The following PLCXD3 variants were observed in gnomAD, a reference collection of about 807,000 sequenced individuals.
The protein encoded by PLCXD3 is PI-PLC X domain-containing protein 3.
Under a neutral mutation model 25.5 loss-of-function variants are expected in PLCXD3, and 19 were observed. That is an observed-to-expected ratio of 0.75 (90% CI 0.52 to 1.09). PLCXD3 has a LOEUF of 1.09. PLCXD3 is among the 50% of genes least tolerant of loss of function. The pLI is 0.00. For missense variants in PLCXD3, 411 were observed against 388.1 expected (o/e 1.06, Z -0.50); for synonymous variants, 174 against 137.6 (o/e 1.26, Z -1.85).
At chr5:41,469,502 TTTTTTTTC>T (rs1748102932) in intron 1 of PLCXD3, among the ~76,000 whole-genome samples, 1 of 151,730 alleles carries the variant, frequency 6.6e-6, no homozygotes, top group Admixed American at 6.6e-5. Context: ...GAGCTGCTTT[TTTTTTTTC>T]TCTCAAGTGT....
intron 1 of PLCXD3, among the ~76,000 whole-genome samples, chr5:41,410,619 C>T (rs1002170116): frequency 3.9e-5 from 6 of 152,124 alleles, no homozygotes; most frequent in Admixed American, 1.3e-4. Flanking sequence ...TGTCCTTCTA[C>T]CCAGGCCATC....
intron 1 of PLCXD3, among the ~76,000 whole-genome samples, chr5:41,395,113 A>G (rs1315648040): frequency 6.6e-6 from 1 of 152,182 alleles, no homozygotes; most frequent in African/African-American, 2.4e-5. Flanking sequence ...CAATTTAAAT[A>G]ATATCAAGCA....
chr5:41,329,592 T>A (rs2150473276), intron 2 of PLCXD3, among the ~76,000 whole-genome samples: 1 of 152,188 alleles, frequency 6.6e-6, no homozygotes, highest in East Asian at 1.9e-4. Context: ...TAAAAGTAAT[T>A]TTTTACAAAA....
intron 1 of PLCXD3, among the ~76,000 whole-genome samples, chr5:41,462,074 G>A (rs955142018): frequency 6.6e-6 from 1 of 151,978 alleles, no homozygotes; most frequent in Non-Finnish European, 1.5e-5. Flanking sequence ...GTTTAATCTA[G>A]GCAGCAGATG....
At chr5:41,334,923 TA>T (rs879855951) in intron 2 of PLCXD3, among the ~76,000 whole-genome samples, 86 of 152,306 alleles carry the variant, frequency 5.6e-4, no homozygotes, top group Admixed American at 5.0e-3. Flanking sequence ...TTTTGTCTTC[TA>T]GTTTTCCAGG....
At chr5:41,417,948 C>T (rs952380361) in intron 1 of PLCXD3, among the ~76,000 whole-genome samples, 2 of 152,172 alleles carry the variant, frequency 1.3e-5, no homozygotes, top group Admixed American at 1.3e-4. Context: ...TATTTCACTA[C>T]CTACTAACAG....
chr5:41,502,186 G>A (rs1298461568), intron 1 of PLCXD3, among the ~76,000 whole-genome samples: 4 of 152,082 alleles, frequency 2.6e-5, no homozygotes, highest in South Asian at 2.1e-4. Context: ...GCTTATGTAT[G>A]AGCAGGTCTA....
At chr5:41,393,494 T>C (rs1022679725) in intron 1 of PLCXD3, among the ~76,000 whole-genome samples, 1 of 152,048 alleles carries the variant, frequency 6.6e-6, no homozygotes, top group African/African-American at 2.4e-5. Flanking sequence ...GAAGCAGAAA[T>C]GGAGACTTTC....
chr5:41,335,381 A>G (rs576685652), intron 2 of PLCXD3, among the ~76,000 whole-genome samples: 148 of 152,252 alleles, frequency 9.7e-4, no homozygotes, highest in African/African-American at 3.2e-3. Context: ...TAGAGGCAGT[A>G]ATGTTGAAAC....
chr5:41,508,653 C>T (rs1738939228), intron 1 of PLCXD3, among the ~76,000 whole-genome samples: 1 of 152,204 alleles, frequency 6.6e-6, no homozygotes, highest in African/African-American at 2.4e-5. Context: ...ACTAGATAAA[C>T]AAACATAGGC....
intron 2 of PLCXD3, among the ~76,000 whole-genome samples, chr5:41,356,081 A>G (rs1427379926): frequency 1.3e-5 from 2 of 152,088 alleles, no homozygotes; most frequent in African/African-American, 4.8e-5. Flanking sequence ...CCTGCCTAAC[A>G]TGGCAAAACC....
At chr5:41,504,214 C>G (rs957648966) in intron 1 of PLCXD3, among the ~76,000 whole-genome samples, 2 of 152,048 alleles carry the variant, frequency 1.3e-5, no homozygotes, top group Non-Finnish European at 2.9e-5. Flanking sequence ...TTACATTGCA[C>G]CCACTGGAAG....
chr5:41,382,529 G>A lies in PLCXD3; in HGVS notation c.109C>T (p.His37Tyr). The change falls in exon 2 of 3, where the codon CAT becomes TAT. Residue 37 changes from histidine to tyrosine, a missense_variant. Coordinates refer to ENST00000377801, the MANE Select transcript of PLCXD3 (RefSeq NM_001005473.3). ...TCAATGTAGAAGCTGAAGGAATCAT[G>A]AGACCCTAGGAGAATAACAAGGCAT... Reference protein sequence around the residue: ...PLTNLAIPGSHDSFSFYIDEA... With the variant: ...PLTNLAIPGSYDSFSFYIDEA... 1 of 1,585,146 alleles carries A rather than the reference G, an allele frequency of 6.3e-7. No individual in the cohort carries two copies. Among genetic ancestry groups the A allele is most frequent in the Non-Finnish European group, 8.5e-7 (1 of 1,170,420 alleles).
chr5:41,332,114 G>C (rs539771193), intron 2 of PLCXD3, among the ~76,000 whole-genome samples: 1 of 152,166 alleles, frequency 6.6e-6, no homozygotes, highest in East Asian at 1.9e-4. Context: ...CAACTAAAGA[G>C]CTTCTGCACA....
intron 1 of PLCXD3, among the ~76,000 whole-genome samples, chr5:41,473,478 TA>T (rs1391877768): frequency 6.6e-6 from 1 of 151,864 alleles, no homozygotes; most frequent in Non-Finnish European, 1.5e-5. Flanking sequence ...TAATTATTAT[TA>T]TTTTTTGAGA....
intron 1 of PLCXD3, among the ~76,000 whole-genome samples, chr5:41,494,919 A>T (rs1280209521): frequency 1.3e-5 from 2 of 152,210 alleles, no homozygotes; most frequent in Non-Finnish European, 2.9e-5. Context: ...TAGTGAAGGA[A>T]GTGAAGGAAG....
intron 2 of PLCXD3, among the ~76,000 whole-genome samples, chr5:41,353,233 C>T (rs1744522591): frequency 6.6e-6 from 1 of 151,726 alleles, no homozygotes; most frequent in Non-Finnish European, 1.5e-5. Context: ...GCTGGGATTA[C>T]AGGCGCCCGC....
At chr5:41,325,845 G>C (rs987441413) in intron 2 of PLCXD3, among the ~76,000 whole-genome samples, 1 of 152,186 alleles carries the variant, frequency 6.6e-6, no homozygotes, top group Non-Finnish European at 1.5e-5. Context: ...AAGTTTTGGA[G>C]ACTTAGAAGT....
intron 1 of PLCXD3, among the ~76,000 whole-genome samples, chr5:41,411,612 C>A (rs1375377303): frequency 6.6e-6 from 1 of 151,970 alleles, no homozygotes; most frequent in Non-Finnish European, 1.5e-5. Flanking sequence ...CAAGTTGAGC[C>A]CATCATAAGA....
Sources: allele counts gnomAD v4.1 joint callset (sites outside exome capture counted in the v4.1 genomes callset), GRCh38; gene constraint gnomAD v4.1.1; transcripts MANE v1.5; gene names NCBI Gene and HGNC (gene_info 2026-07-23, HGNC 2026-07-21).